EPHA3: variants seen among roughly 807,000 people sequenced by gnomAD.
EPHA3 encodes the protein ephrin type-A receptor 3.
EPHA3 carries 42 observed loss-of-function variants against 107.1 expected under a neutral mutation model. The ratio of observed to expected loss-of-function variants is 0.39; its 90% confidence interval spans 0.31 to 0.51. The LOEUF (loss-of-function observed/expected upper bound fraction) is 0.51. EPHA3 is among the 20% of genes least tolerant of loss of function. The pLI is 0.78. For missense variants in EPHA3, 1,183 were observed against 1,211.2 expected, an observed-to-expected ratio of 0.98 and a Z score of 0.35; for synonymous variants, 461 against 424.8, an observed-to-expected ratio of 1.09 and a Z score of -1.05.
At position 89,150,045 on chromosome 3, in the gene EPHA3, G is replaced by A. The variant is rs200775449; in HGVS notation, c.153+22772G>A. 1.1e-4 allele frequency among the ~76,000 whole-genome samples: 16 copies of A among 152,102 alleles called. No individual in the cohort carries two copies. The East Asian group carries it at 3.1e-3, about 30-fold the overall frequency. On this transcript the variant is annotated intron_variant, in intron 2 of 16. Coordinates refer to ENST00000336596, the MANE Select transcript of EPHA3 (RefSeq NM_005233.6). ...AAGCAGTAGTTGTTTCAAAGGTCCTGTGGTTGTACATCCATTTCCTTGTAT... is the reference window on the plus strand; with the variant it reads ...AAGCAGTAGTTGTTTCAAAGGTCCTATGGTTGTACATCCATTTCCTTGTAT...
At chr3:89,434,572 C>T (rs1031871170) in intron 13 of EPHA3, among the ~76,000 whole-genome samples, 1 of 152,066 alleles carries the variant, frequency 6.6e-6, no homozygotes, top group African/African-American at 2.4e-5. Context: ...GGCTTGATTG[C>T]CAGGATACTC....
At chr3:89,429,193 A>G (rs1372563089) in intron 12 of EPHA3, 26 bp downstream of exon 12, 2 of 1,555,336 alleles carry the variant, frequency 1.3e-6, no homozygotes, top group Non-Finnish European at 1.8e-6. Flanking sequence ...ACACATACAT[A>G]TATATGAATA....
intron 3 of EPHA3, among the ~76,000 whole-genome samples, chr3:89,323,110 T>A (rs1707081260): frequency 6.6e-6 from 1 of 152,052 alleles, no homozygotes; most frequent in African/African-American, 2.4e-5. Context: ...GAAGACTAAG[T>A]AAAGGCAAAT....
At chr3:89,425,461 G>T (rs1413157473) in intron 11 of EPHA3, among the ~76,000 whole-genome samples, 1 of 148,622 alleles carries the variant, frequency 6.7e-6, no homozygotes. Flanking sequence ...AGCGGCTAAG[G>T]TCAAAGGTTT....
At chr3:89,161,447 T>C (rs1206582811) in intron 2 of EPHA3, among the ~76,000 whole-genome samples, 2 of 152,200 alleles carry the variant, frequency 1.3e-5, no homozygotes, top group Admixed American at 6.5e-5. Context: ...TTCAATTATG[T>C]CTTATAGCTT....
chr3:89,387,818 A>T (rs1191503058), intron 5 of EPHA3, among the ~76,000 whole-genome samples: 1 of 152,152 alleles, frequency 6.6e-6, no homozygotes, highest in African/African-American at 2.4e-5. Context: ...TTACTTTTTT[A>T]AAATTTTTTA....
intron 5 of EPHA3, among the ~76,000 whole-genome samples, chr3:89,384,113 A>C (rs2107489162): frequency 6.6e-6 from 1 of 152,232 alleles, no homozygotes; most frequent in East Asian, 1.9e-4. Context: ...GTTCAGACTA[A>C]AAAGTTGTAT....
At chr3:89,190,415 T>G (rs1705683074) in intron 2 of EPHA3, among the ~76,000 whole-genome samples, 1 of 152,170 alleles carries the variant, frequency 6.6e-6, no homozygotes, top group Admixed American at 6.5e-5. Context: ...ATTAACCAAT[T>G]ACCTATAAAC....
chr3:89,329,553 A>G (rs1017396609), intron 3 of EPHA3, among the ~76,000 whole-genome samples: 1 of 152,044 alleles, frequency 6.6e-6, no homozygotes, highest in African/African-American at 2.4e-5. Context: ...ACAGGAAGAG[A>G]GAATTTCTTC....
At chr3:89,417,406 T>C (rs1709270309) in intron 10 of EPHA3, among the ~76,000 whole-genome samples, 1 of 151,540 alleles carries the variant, frequency 6.6e-6, no homozygotes. Context: ...AAACATGCTC[T>C]ATTATACCAT....
intron 3 of EPHA3, among the ~76,000 whole-genome samples, chr3:89,304,823 G>C (rs1706574271): frequency 6.6e-6 from 1 of 152,036 alleles, no homozygotes; most frequent in African/African-American, 2.4e-5. Flanking sequence ...AACTCCAAAA[G>C]GGAGAGGTTC....
At chr3:89,432,288 T>G (rs1709584233) in intron 13 of EPHA3, among the ~76,000 whole-genome samples, 1 of 152,210 alleles carries the variant, frequency 6.6e-6, no homozygotes, top group African/African-American at 2.4e-5. Context: ...TATTATCAGT[T>G]AGGATAAATT....
Position 89,419,252 on chromosome 3 carries a change from A to C in EPHA3, c.1936A>C (p.Lys646Gln). The C allele has an allele frequency of 6.2e-7, 1 of 1,610,248 alleles. No individual in the cohort carries two copies. Among genetic ancestry groups the C allele is most frequent in the Non-Finnish European group, 8.5e-7 (1 of 1,177,622 alleles). Residue 646 changes from lysine to glutamine, a missense_variant, in exon 11 of 17, where the codon AAA (lysine) becomes CAA (glutamine). By Grantham distance (53) the Lys-to-Gln change is moderately conservative (BLOSUM62 1). Transcript: ENST00000336596. The stretch of plus-strand genomic sequence containing the variant: ...TGGTCGCTTAAAACTTCCTTCAAAA[A>C]AAGAGATTTCAGTGGCCATTAAGAC... ...CSGRLKLPSK[K>Q]EISVAIKTLK... is the part of the protein sequence containing the mutation.
chr3:89,116,373 T>C (rs1183009790), intron 1 of EPHA3, among the ~76,000 whole-genome samples: 2 of 152,174 alleles, frequency 1.3e-5, no homozygotes. Flanking sequence ...GTCCAAAAAG[T>C]AGACTTTAGT....
chr3:89,167,173 G>A (rs1406638992), intron 2 of EPHA3, among the ~76,000 whole-genome samples: 1 of 152,094 alleles, frequency 6.6e-6, no homozygotes, highest in Non-Finnish European at 1.5e-5. Context: ...ACAACATAAT[G>A]TTTTGAAGCA....
intron 2 of EPHA3, among the ~76,000 whole-genome samples, chr3:89,183,217 T>C (rs1183192519): frequency 6.6e-6 from 1 of 152,002 alleles, no homozygotes; most frequent in Non-Finnish European, 1.5e-5. Flanking sequence ...TGTACCTTTC[T>C]ATATATTGTA....
At chr3:89,467,117 T>C (rs916792105) in intron 15 of EPHA3, among the ~76,000 whole-genome samples, 2 of 152,146 alleles carry the variant, frequency 1.3e-5, no homozygotes, top group African/African-American at 4.8e-5. Context: ...TTAATTTTAG[T>C]GATAAAGATC....
At chr3:89,412,686 A>T (rs1204262516) in intron 9 of EPHA3, among the ~76,000 whole-genome samples, 1 of 151,786 alleles carries the variant, frequency 6.6e-6, no homozygotes, top group Non-Finnish European at 1.5e-5. Flanking sequence ...AATTGCAGCC[A>T]TTATCTCACC....
At chr3:89,242,228 A>C (rs1704913164) in intron 3 of EPHA3, among the ~76,000 whole-genome samples, 1 of 152,208 alleles carries the variant, frequency 6.6e-6, no homozygotes, top group South Asian at 2.1e-4. Flanking sequence ...AATTCTACAG[A>C]GACAATCATT....
Sources: allele counts gnomAD v4.1 joint callset (sites outside exome capture counted in the v4.1 genomes callset), GRCh38; gene constraint gnomAD v4.1.1; transcripts MANE v1.5; gene names NCBI Gene and HGNC (gene_info 2026-07-23, HGNC 2026-07-21).